NRXN3: variants seen among roughly 807,000 people sequenced by gnomAD.
NRXN3 encodes neurexin III.
In NRXN3, 32 loss-of-function variants were observed where a neutral mutation model predicts 137.6. The observed-to-expected ratio is 0.23, with a 90% confidence interval of 0.18 to 0.31. The LOEUF is 0.31. Among genes scored for constraint, NRXN3 ranks in the 10% least tolerant of loss-of-function variants. NRXN3 has a pLI of 1.00. For synonymous variants in NRXN3, 798 were observed against 784.5 expected (o/e 1.02, Z -0.29); for missense variants, 1,574 against 2,062.5 (o/e 0.76, Z 4.59).
intron 4 of NRXN3, among the ~76,000 whole-genome samples, chr14:78,355,678 C>T (rs570476145): frequency 2.0e-5 from 3 of 152,316 alleles, no homozygotes; most frequent in Non-Finnish European, 2.9e-5. Context: ...CCTTGGCCTC[C>T]CAAAGTGCTG....
intron 15 of NRXN3, among the ~76,000 whole-genome samples, chr14:79,027,094 TTA>T (rs1369284569): frequency 1.3e-5 from 2 of 149,876 alleles, no homozygotes; most frequent in African/African-American, 2.4e-5. Context: ...TTTTTTTTTT[TTA>T]AAACTTGTTG....
chr14:78,513,590 T>C (rs940336732), intron 4 of NRXN3, among the ~76,000 whole-genome samples: 6 of 152,120 alleles, frequency 3.9e-5, no homozygotes, highest in Non-Finnish European at 8.8e-5. Flanking sequence ...AAAAAATAAA[T>C]ACATGAGGAG....
In NRXN3 at chr14:79,004,862, T is replaced by C. The variant is rs564462246; in HGVS notation, c.3262+16721T>C. On this transcript the variant is annotated intron_variant, in intron 15 of 20. Transcript: ENST00000335750. Reference sequence around the variant, plus strand: ...CTTTTAAGGTCACGTATTTTTTATATGCTGTCGCCCCGTCCTCATCATTAG... The same window carrying C: ...CTTTTAAGGTCACGTATTTTTTATACGCTGTCGCCCCGTCCTCATCATTAG... Among the ~76,000 whole-genome samples, 12 of 152,320 alleles carry C rather than the reference T, an allele frequency of 7.9e-5. No homozygotes were observed. The East Asian group carries it at 1.7e-3, about 22-fold the overall frequency.
chr14:78,852,017 AT>A (rs1333004979), intron 10 of NRXN3, among the ~76,000 whole-genome samples: 1 of 152,154 alleles, frequency 6.6e-6, no homozygotes, highest in African/African-American at 2.4e-5. Context: ...AAATTAAATT[AT>A]TTTTTCAACT....
intron 16 of NRXN3, among the ~76,000 whole-genome samples, chr14:79,525,186 G>A (rs762095261): frequency 9.9e-5 from 15 of 152,222 alleles, no homozygotes; most frequent in Non-Finnish European, 2.9e-5. Flanking sequence ...GGCAGGGGAA[G>A]GTCAGAAAAA....
chr14:79,241,411 C>A (rs2074265556), intron 15 of NRXN3, among the ~76,000 whole-genome samples: 2 of 152,140 alleles, frequency 1.3e-5, no homozygotes, highest in South Asian at 2.1e-4. Context: ...GGAGGCCTCA[C>A]AATCATGGCG....
chr14:78,716,265 C>G (rs188146258), intron 8 of NRXN3, among the ~76,000 whole-genome samples: 1 of 152,292 alleles, frequency 6.6e-6, no homozygotes, highest in Non-Finnish European at 1.5e-5. Context: ...CAGATTGCAG[C>G]TTGGTCTATT....
At chr14:79,755,181 A>G (rs2099015069) in intron 19 of NRXN3, among the ~76,000 whole-genome samples, 1 of 152,172 alleles carries the variant, frequency 6.6e-6, no homozygotes, top group Non-Finnish European at 1.5e-5. Context: ...ATATAAACCT[A>G]TACATATCCT....
chr14:79,070,485 T>A (rs762364916), intron 15 of NRXN3, among the ~76,000 whole-genome samples: 7 of 152,318 alleles, frequency 4.6e-5, no homozygotes, highest in Admixed American at 1.3e-4. Flanking sequence ...GAGTCTTCAA[T>A]GCTTTTTGGA....
At chr14:78,855,324 A>G (rs1220694655) in intron 10 of NRXN3, among the ~76,000 whole-genome samples, 1 of 152,214 alleles carries the variant, frequency 6.6e-6, no homozygotes, top group South Asian at 2.1e-4. Flanking sequence ...GGTAAAGTTC[A>G]GTAAAGCAAA....
Position 79,461,268 on chromosome 14 carries a change from G to A in NRXN3, c.3263-5953G>A, listed in dbSNP as rs74068676. Among the ~76,000 whole-genome samples, 2,300 of 152,226 alleles carry A rather than the reference G, an allele frequency of 0.015. 101 individuals are homozygous for A. The East Asian group carries it at 0.17, about 11-fold the overall frequency. On this transcript the variant is annotated intron_variant, in intron 15 of 20. Transcript: ENST00000335750. ...ATTCTATTCTCAACTCCACTACTTA[G>A]CAACAGATCAAGTTGTTTAATCTCC...
intron 4 of NRXN3, among the ~76,000 whole-genome samples, chr14:78,512,203 T>C (rs1187082080): frequency 1.3e-5 from 2 of 152,050 alleles, no homozygotes; most frequent in Admixed American, 6.6e-5. Flanking sequence ...ATGTAAGTCA[T>C]GTAAGTAAGA....
chr14:79,449,065 GCCCAGGAGC>G (rs2096120062), intron 15 of NRXN3, among the ~76,000 whole-genome samples: 1 of 152,160 alleles, frequency 6.6e-6, no homozygotes, highest in South Asian at 2.1e-4. Context: ...TGATAACTGA[GCCCAGGAGC>G]CCTTTTGTTC....
intron 4 of NRXN3, among the ~76,000 whole-genome samples, chr14:78,399,650 G>T (rs1373782702): frequency 6.6e-6 from 1 of 152,180 alleles, no homozygotes; most frequent in Non-Finnish European, 1.5e-5. Context: ...TCTAACTGCT[G>T]CCTGGTGAAT....
rs1567797721 is a variant in NRXN3 at position 78,510,059 on chromosome 14, T to TATATATATATATATATA, written c.758-135061_758-135060insATATATATATATATATA. 5.4e-5 allele frequency among the ~76,000 whole-genome samples: 8 copies of TATATATATATATATATA among 148,248 alleles called. No individual in the cohort carries two copies. The South Asian group carries it at 6.4e-4, about 12-fold the overall frequency. On this transcript the variant is annotated intron_variant, in intron 4 of 20. Transcript: ENST00000335750. The stretch of plus-strand genomic sequence containing the variant: ...AAAATTTTATATATATATATATATA[T>TATATATATATATATATA]TTTGGCAATGCCTAGATGAGTATTA...
At chr14:79,111,411 C>T (rs1229924325) in intron 15 of NRXN3, among the ~76,000 whole-genome samples, 1 of 152,144 alleles carries the variant, frequency 6.6e-6, no homozygotes, top group Non-Finnish European at 1.5e-5. Context: ...CTGCACAAAG[C>T]CCTGAGTTCT....
intron 4 of NRXN3, among the ~76,000 whole-genome samples, chr14:78,426,682 C>G (rs910278376): frequency 6.6e-6 from 1 of 152,140 alleles, no homozygotes; most frequent in African/African-American, 2.4e-5. Context: ...CTGGATTCCT[C>G]CCTGGGTCCC....
chr14:79,347,587 A>G (rs1248682597), intron 15 of NRXN3, among the ~76,000 whole-genome samples: 1 of 151,896 alleles, frequency 6.6e-6, no homozygotes, highest in Non-Finnish European at 1.5e-5. Flanking sequence ...ACCCCTGGCT[A>G]ATTTTTTGTA....
intron 15 of NRXN3, among the ~76,000 whole-genome samples, chr14:79,059,416 C>T (rs2099671350): frequency 6.6e-6 from 1 of 152,026 alleles, no homozygotes; most frequent in African/African-American, 2.4e-5. Context: ...CGCCACCACA[C>T]CCAGCTAATT....
Sources: allele counts gnomAD v4.1 joint callset (sites outside exome capture counted in the v4.1 genomes callset), GRCh38; gene constraint gnomAD v4.1.1; transcripts MANE v1.5; gene names NCBI Gene and HGNC (gene_info 2026-07-23, HGNC 2026-07-21).